JAG1: variants seen among roughly 807,000 people sequenced by gnomAD.
JAG1 encodes the protein jagged canonical Notch ligand 1.
In JAG1, 23 loss-of-function variants were observed where a neutral mutation model predicts 148.7. That is an observed-to-expected ratio of 0.15 (90% CI 0.11 to 0.22). JAG1 has a LOEUF of 0.22. Ranked by LOEUF, JAG1 falls within the 10% of genes least tolerant of loss-of-function variation. The pLI is 1.00. For missense variants in JAG1, 1,054 were observed against 1,611.2 expected (o/e 0.65, Z 5.92); for synonymous variants, 572 against 598.3 (o/e 0.96, Z 0.64).
chr20:10,659,863 C>T (rs1390781716), intron 3 of JAG1, among the ~76,000 whole-genome samples: 5 of 152,174 alleles, frequency 3.3e-5, no homozygotes, highest in African/African-American at 7.2e-5. Context: ...CACTTATCAT[C>T]TAGTTTGAGA....
chr20:10,650,092 T>C (rs573619250), intron 9 of JAG1, among the ~76,000 whole-genome samples, 155 bp downstream of exon 9: 4 of 152,324 alleles, frequency 2.6e-5, no homozygotes, highest in African/African-American at 9.6e-5. Flanking sequence ...ATTCAAGTTA[T>C]TTCTCCCAGG....
rs1442188217 is a variant in JAG1 at position 10,640,857 on chromosome 20, C to T, written c.3125G>A (p.Arg1042His). ...AGCAATCAGCGAGCTGTTTCCATCA[C>T]GTTTACTAACAAGATCGATTATTTT... Reference protein sequence around the residue: ...TDKIIDLVSKRDGNSSLIAAV... With the variant: ...TDKIIDLVSKHDGNSSLIAAV... The change falls in exon 25 of 26, where the codon CGT becomes CAT. Residue 1042 changes from arginine (R) to histidine (H), a missense_variant. This residue lies in a region of JAG1 where 342 missense variants were observed against 514.6 expected (regional missense o/e 0.66). Coordinates refer to ENST00000254958, the MANE Select transcript of JAG1 (RefSeq NM_000214.3). The T allele has an allele frequency of 2.5e-6, 4 of 1,614,140 alleles. No individual in the cohort carries two copies. Among genetic ancestry groups the T allele is most frequent in the Admixed American group, 1.7e-5 (1 of 60,020 alleles).
chr20:10,665,642 T>C (rs759806687), intron 2 of JAG1, among the ~76,000 whole-genome samples: 16 of 152,296 alleles, frequency 1.1e-4, no homozygotes, highest in Middle Eastern at 3.4e-3. Context: ...GCTGATTCTG[T>C]ATAATTAAGC....
chr20:10,655,718 A>G (rs1298094479), intron 5 of JAG1, among the ~76,000 whole-genome samples: 2 of 152,112 alleles, frequency 1.3e-5, no homozygotes, highest in East Asian at 3.9e-4. Flanking sequence ...CACCAACAAT[A>G]TTTCCCAAAA....
intron 11 of JAG1, 144 bp downstream of exon 11, chr20:10,648,917 C>T (rs1367031053): frequency 2.3e-6 from 2 of 888,792 alleles, no homozygotes; most frequent in African/African-American, 3.3e-5. Flanking sequence ...GCTGGGGTAA[C>T]ATAAGCCCTA....
chr20:10,668,484 T>A, intron 2 of JAG1, among the ~76,000 whole-genome samples: 1 of 152,206 alleles, frequency 6.6e-6, no homozygotes, highest in East Asian at 1.9e-4. Context: ...ATTACAACGC[T>A]AATTGTATGC....
rs1440630344 is a variant in JAG1, at chr20:10,658,545, A to T, written c.617T>A (p.Phe206Tyr). ...CTGGTCACAGGCATAGTGTCCAAAG[A>T]AGTCATCTCTGGGGCGGCAGAACTT... ...CNKFCRPRDD[F>Y]FGHYACDQNG... Residue 206 changes from phenylalanine (F) to tyrosine (Y), a missense_variant, in exon 4 of 26, where the codon TTC becomes TAC. Around this residue, in one of 6 missense-constraint regions of JAG1, gnomAD observed 104 missense variants for 235.2 expected, o/e 0.44. Transcript: ENST00000254958. 9 of 1,614,096 alleles carry T rather than the reference A, an allele frequency of 5.6e-6. No homozygotes were observed. The highest frequency in any genetic ancestry group is 7.6e-6 in the Non-Finnish European group (9 of 1,180,044).
At chr20:10,660,539 A>G (rs2122627019) in intron 3 of JAG1, among the ~76,000 whole-genome samples, 1 of 152,352 alleles carries the variant, frequency 6.6e-6, no homozygotes, top group African/African-American at 2.4e-5. Context: ...CAAACAGTTT[A>G]GACAAGAGTC....
At chr20:10,661,265 G>A (rs1198671863) in intron 3 of JAG1, among the ~76,000 whole-genome samples, 1 of 152,122 alleles carries the variant, frequency 6.6e-6, no homozygotes, top group African/African-American at 2.4e-5. Context: ...GGAATTCTCT[G>A]CCCTAAAACT....
chr20:10,673,377 G>A lies in JAG1; in HGVS notation c.81+73C>T, dbSNP rs999957848. 6 of 1,153,644 alleles carry A rather than the reference G, an allele frequency of 5.2e-6. No individual in the cohort carries two copies. In the African/African-American group the frequency reaches 6.5e-5, roughly 12 times the overall value. 71.5% of individuals were successfully genotyped at this position (1,153,644 alleles called of 1,614,324 possible). A position where few individuals can be genotyped will look rare whatever the true frequency, so the allele number is the denominator to read the frequency against. The stretch of plus-strand genomic sequence containing the variant: ...CGAGGGCTGCCGAGCCTGCTCGCGG[G>A]GCTCAACCGCCCAGGGCGCCGCGAG... On this transcript the variant is annotated intron_variant, in intron 1 of 25. Coordinates refer to ENST00000254958, the MANE Select transcript of JAG1 (RefSeq NM_000214.3). The surrounding 1 kb of genome is among the most constrained non-coding windows in gnomAD (Gnocchi z 4.7).
intron 2 of JAG1, among the ~76,000 whole-genome samples, chr20:10,664,373 AACACACACACACACACAC>A (rs59417356): frequency 6.9e-5 from 10 of 144,594 alleles, no homozygotes; most frequent in African/African-American, 1.5e-4. Flanking sequence ...TGCATGAGGA[AACACACACACACACACAC>A]ACACACACAC....
At chr20:10,662,041 TG>T in intron 3 of JAG1, among the ~76,000 whole-genome samples, 1 of 152,326 alleles carries the variant, frequency 6.6e-6, no homozygotes, top group Non-Finnish European at 1.5e-5. Flanking sequence ...TGGTTTTGAC[TG>T]TGCTGAATTC....
chr20:10,647,418 C>T (rs2067316682), intron 13 of JAG1: 2 of 456,686 alleles, frequency 4.4e-6, no homozygotes, highest in Admixed American at 6.8e-5. Flanking sequence ...AAAGGACCTG[C>T]TTTATTTACT....
At chr20:10,656,000 G>A (rs1319842077) in intron 5 of JAG1, among the ~76,000 whole-genome samples, 1 of 152,188 alleles carries the variant, frequency 6.6e-6, no homozygotes, top group African/African-American at 2.4e-5. Flanking sequence ...CTGGACTTTC[G>A]CCTATTGATG....
rs1263972730 is a variant in JAG1, at chr20:10,640,706, C to T, written c.3199+77G>A. On this transcript the variant is annotated intron_variant, in intron 25 of 25. Coordinates refer to ENST00000254958, the MANE Select transcript of JAG1 (RefSeq NM_000214.3). ...GGTAGGGCACTGCCAGATAATCCCT[C>T]GACCTGATGGCTTTATTGAATAGTA... 24 of 1,498,858 alleles carry T rather than the reference C, an allele frequency of 1.6e-5. No individual in the cohort carries two copies. The Admixed American group carries it at 2.5e-4, about 16-fold the overall frequency. 92.8% of individuals were successfully genotyped at this position (1,498,858 alleles called of 1,614,324 possible).
At chr20:10,656,192 T>G (rs1445151368) in intron 5 of JAG1, among the ~76,000 whole-genome samples, 2 of 152,250 alleles carry the variant, frequency 1.3e-5, no homozygotes, top group Non-Finnish European at 2.9e-5. Flanking sequence ...AAAGAGTTTC[T>G]TTTTATTCCA....
Position 10,644,873 on chromosome 20 carries a change from G to T in JAG1, c.2334C>A (p.Ile778=), listed in dbSNP as rs1270085831. Reference sequence around the variant, plus strand: ...GGGGAGGACACTCACTCTGAGCACAGATGGGCCCCTCCCAGCCTTCCTTGC... The same window carrying T: ...GGGGAGGACACTCACTCTGAGCACATATGGGCCCCTCCCAGCCTTCCTTGC... ...CVCKEGWEGP[I]CAQNTNDCSP... The change falls in exon 18 of 26, where the codon ATC becomes ATA. Residue 778 remains isoleucine (I), a synonymous_variant. Transcript: ENST00000254958. The T allele has an allele frequency of 1.9e-6, 3 of 1,613,048 alleles. No individual in the cohort carries two copies. The South Asian group carries it at 3.3e-5, about 18-fold the overall frequency.
chr20:10,656,374 C>T (rs1238568542), intron 5 of JAG1, 24 bp downstream of exon 5: 2 of 1,590,758 alleles, frequency 1.3e-6, no homozygotes, highest in Non-Finnish European at 1.7e-6. Flanking sequence ...TAAAAGAAAT[C>T]TCACAAAAGA....
In JAG1 at chr20:10,645,750, A is replaced by G. The variant is rs2067304542; in HGVS notation, c.1999+221T>C. The stretch of plus-strand genomic sequence containing the variant: ...CCTTGCAAGCAGGAATATTTATTAC[A>G]CAGTCTAATTCTATAGGTCCTCAGC... On this transcript the variant is annotated intron_variant, in intron 15 of 25. Transcript: ENST00000254958. The surrounding 1 kb of genome is among the most constrained non-coding windows in gnomAD (Gnocchi z 6.1). 1.6e-6 allele frequency: 1 copy of G among 619,402 alleles called. No individual in the cohort carries two copies. The highest frequency in any genetic ancestry group is 2.8e-5 in the Admixed American group (1 of 35,620). 38.4% of individuals were successfully genotyped at this position (619,402 alleles called of 1,614,324 possible). A position where few individuals can be genotyped will look rare whatever the true frequency, so the allele number is the denominator to read the frequency against.
Sources: allele counts gnomAD v4.1 joint callset (sites outside exome capture counted in the v4.1 genomes callset), GRCh38; gene constraint gnomAD v4.1.1; regional missense constraint gnomAD v4.1.1; non-coding constraint Gnocchi (gnomAD v3.1); transcripts MANE v1.5; gene names NCBI Gene and HGNC (gene_info 2026-07-23, HGNC 2026-07-21).